Variants in ART3 observed in about 807,000 individuals in gnomAD.
ART3 encodes ecto-ADP-ribosyltransferase 3.
In ART3, 49 loss-of-function variants were observed where a neutral mutation model predicts 48.5. The observed-to-expected ratio is 1.01, with a 90% CI of 0.80 to 1.28. ART3 has a LOEUF of 1.28. Among genes scored for constraint, ART3 ranks in the 50% most tolerant of loss-of-function variants. The pLI is 0.00. For missense variants in ART3, 438 were observed against 454.3 expected (o/e 0.96, Z 0.33); for synonymous variants, 145 against 157.2 (o/e 0.92, Z 0.58).
chr4:76,068,169 G>A (rs969452357), intron 1 of ART3, among the ~76,000 whole-genome samples: 3 of 152,082 alleles, frequency 2.0e-5, no homozygotes, highest in African/African-American at 7.2e-5. Flanking sequence ...CCTTATTTAG[G>A]TATGACTTAT....
intron 3 of ART3, among the ~76,000 whole-genome samples, chr4:76,089,820 G>A (rs533082352): frequency 6.6e-5 from 10 of 152,080 alleles, no homozygotes; most frequent in African/African-American, 2.4e-4. Flanking sequence ...GGTGGCTCAC[G>A]TCTGTAATCC....
intron 1 of ART3, chr4:76,041,364 C>T (rs1373587742): frequency 6.6e-6 from 1 of 152,192 alleles, no homozygotes; most frequent in Non-Finnish European, 1.5e-5. Context: ...CATGAAAATG[C>T]ACTTTCCTCT....
intron 3 of ART3, among the ~76,000 whole-genome samples, chr4:76,090,128 C>T (rs1724546554): frequency 6.6e-6 from 1 of 152,022 alleles, no homozygotes; most frequent in Non-Finnish European, 1.5e-5. Context: ...CTGTGAACAC[C>T]TCAGCCACTG....
At chr4:76,101,131 A>C in intron 8 of ART3, 112 bp downstream of exon 8, 120 of 1,291,800 alleles carry the variant, frequency 9.3e-5, no homozygotes, top group Non-Finnish European at 1.2e-4. Flanking sequence ...GGCAGAGCTC[A>C]CCTTAGCTTA....
chr4:76,016,857 A>G (rs1377455324), intron 1 of ART3, among the ~76,000 whole-genome samples: 1 of 151,994 alleles, frequency 6.6e-6, no homozygotes, highest in Non-Finnish European at 1.5e-5. Flanking sequence ...GCCCATCACC[A>G]CAGACCCATG....
intron 1 of ART3, chr4:76,022,266 A>T: frequency 1.0e-6 from 1 of 970,640 alleles, no homozygotes; most frequent in Non-Finnish European, 1.6e-6. Context: ...ACATACTTTT[A>T]AACCAGCGAT....
At chr4:76,011,737 G>A (rs1027093168) in intron 1 of ART3, among the ~76,000 whole-genome samples, 1 of 152,240 alleles carries the variant, frequency 6.6e-6, no homozygotes, top group African/African-American at 2.4e-5. Context: ...CCATGGTAGG[G>A]TAGGGCCCCG....
chr4:76,081,568 A>G (rs573429880), intron 2 of ART3, among the ~76,000 whole-genome samples: 75 of 152,220 alleles, frequency 4.9e-4, no homozygotes, highest in Non-Finnish European at 1.0e-3. Flanking sequence ...TAATGTCCAG[A>G]TAAATGAGCT....
intron 3 of ART3, among the ~76,000 whole-genome samples, chr4:76,093,966 G>A (rs1417042001): frequency 6.6e-6 from 1 of 152,192 alleles, no homozygotes; most frequent in Non-Finnish European, 1.5e-5. Flanking sequence ...AAGTAATTAG[G>A]TTTAGATTAG....
chr4:76,034,500 C>T (rs1193120213), intron 1 of ART3: 7 of 517,932 alleles, frequency 1.4e-5, no homozygotes, highest in Middle Eastern at 4.8e-4. Context: ...TTGTAAACTC[C>T]GATGGTAACC....
intron 3 of ART3, among the ~76,000 whole-genome samples, chr4:76,091,452 T>C (rs1724867809): frequency 6.6e-6 from 1 of 152,172 alleles, no homozygotes; most frequent in Non-Finnish European, 1.5e-5. Context: ...GTGGTGGTAT[T>C]TTATTGTAGT....
chr4:76,057,104 A>C (rs897537616), intron 1 of ART3, among the ~76,000 whole-genome samples: 2 of 152,174 alleles, frequency 1.3e-5, no homozygotes, highest in Non-Finnish European at 2.9e-5. Context: ...TATTTTTGGC[A>C]TGAAAACTAC....
Position 76,082,261 on chromosome 4 carries a change from A to G in ART3, c.507A>G (p.Ser169=), listed in dbSNP as rs768073717. 3 of 1,614,034 alleles carry G rather than the reference A, an allele frequency of 1.9e-6. No individual in the cohort carries two copies. The highest frequency in any genetic ancestry group is 2.5e-6 in the Non-Finnish European group (3 of 1,180,042). Residue 169 remains serine, a synonymous_variant, in exon 3 of 12, where the codon TCA becomes TCG. Transcript: ENST00000355810. ...TVVYRTSQGT[S]FTFGGLNQAR... ...TATATAGAACAAGCCAGGGCACTTC[A>G]TTTACATTTGGAGGGCTAAACCAAG...
At position 76,056,175 on chromosome 4, in the gene ART3, A is replaced by G. The variant is rs557684977; in HGVS notation, c.-9-19706A>G. ...TCTCCTTCTTTAGCTTTTGTTCTAAATTATTTCTCAGAGTCCCAGTAACCC... is the reference window on the plus strand; with the variant it reads ...TCTCCTTCTTTAGCTTTTGTTCTAAGTTATTTCTCAGAGTCCCAGTAACCC... On this transcript the variant is annotated intron_variant, in intron 1 of 9. Transcript: ENST00000341029. Among the ~76,000 whole-genome samples, 63 of 152,280 alleles carry G rather than the reference A, an allele frequency of 4.1e-4. 1 individual carries two copies. The highest frequency in any genetic ancestry group is 1.5e-3 in the African/African-American group (63 of 41,564).
intron 3 of ART3, among the ~76,000 whole-genome samples, chr4:76,086,047 G>A (rs546777747): frequency 2.0e-5 from 3 of 150,880 alleles, no homozygotes; most frequent in Admixed American, 2.0e-4. Context: ...ACTCCAGCCT[G>A]GTCAACAAGA....
intron 1 of ART3, among the ~76,000 whole-genome samples, chr4:76,020,935 G>T (rs1023542955): frequency 1.3e-5 from 2 of 152,150 alleles, no homozygotes; most frequent in East Asian, 3.8e-4. Context: ...TGCTACATTA[G>T]TTCTGTAGGA....
intron 10 of ART3, among the ~76,000 whole-genome samples, chr4:76,105,154 T>C (rs1728187000): frequency 6.6e-6 from 1 of 152,208 alleles, no homozygotes; most frequent in African/African-American, 2.4e-5. Context: ...GTGACACTGA[T>C]GACACACCTT....
intron 1 of ART3, among the ~76,000 whole-genome samples, chr4:76,061,634 C>G (rs145466301): frequency 1.2e-4 from 18 of 152,350 alleles, no homozygotes; most frequent in African/African-American, 3.6e-4. Context: ...TCTGATTCCT[C>G]TTTCCTCCCC....
intron 1 of ART3, among the ~76,000 whole-genome samples, chr4:76,046,160 T>A (rs1735481467): frequency 6.6e-6 from 1 of 152,122 alleles, no homozygotes; most frequent in East Asian, 1.9e-4. Context: ...ATGAGGGCTA[T>A]CCCTAAACCC....
Sources: allele counts gnomAD v4.1 joint callset (sites outside exome capture counted in the v4.1 genomes callset), GRCh38; gene constraint gnomAD v4.1.1; transcripts MANE v1.5; gene names NCBI Gene and HGNC (gene_info 2026-07-23, HGNC 2026-07-21).